CRAMP1: variants seen among roughly 807,000 people sequenced by gnomAD.
CRAMP1 encodes the protein cramped chromatin regulator 1.
A neutral mutation model predicts 115.4 loss-of-function variants in CRAMP1; 50 were observed. That is an observed-to-expected ratio of 0.43 (90% CI 0.35 to 0.55). The LOEUF (loss-of-function observed/expected upper bound fraction) is 0.55. Among genes scored for constraint, CRAMP1 ranks in the 20% least tolerant of loss-of-function variants. The pLI, the probability that CRAMP1 is intolerant of heterozygous loss-of-function variation, is 0.01. For missense variants in CRAMP1, 1,679 were observed against 1,721.7 expected, an observed-to-expected ratio of 0.98 and a Z score of 0.44; for synonymous variants, 866 against 745.4, an observed-to-expected ratio of 1.16 and a Z score of -2.64.
At chr16:1,633,005 G>A (rs1187779382) in intron 4 of CRAMP1, among the ~76,000 whole-genome samples, 1 of 152,118 alleles carries the variant, frequency 6.6e-6, no homozygotes, top group African/African-American at 2.4e-5. Flanking sequence ...CCTGTGCTGG[G>A]CCCTGCTCTT....
At chr16:1,637,780 C>A in intron 4 of CRAMP1, 44 bp from the exon 5 acceptor site, 1 of 1,078,008 alleles carries the variant, frequency 9.3e-7, no homozygotes, top group South Asian at 1.8e-5. Flanking sequence ...CAGGCAGCGC[C>A]TCCTGTTCCC....
At chr16:1,620,868 G>A (rs572959702) in intron 2 of CRAMP1, among the ~76,000 whole-genome samples, 1 of 152,080 alleles carries the variant, frequency 6.6e-6, no homozygotes, top group Non-Finnish European at 1.5e-5. Flanking sequence ...AGAAGGTTGC[G>A]TGGTTCTTGC....
chr16:1,674,104 A>T lies in CRAMP1; in HGVS notation c.*59A>T, dbSNP rs2036946813. ...GAGCTAGAGAAAAATAGATAAGCCC[A>T]GCAGCCCCAGAAGATGGTCTGAACA... On this transcript the variant is annotated 3_prime_UTR_variant, in exon 21 of 21. Coordinates refer to ENST00000397412, the MANE Select transcript of CRAMP1 (RefSeq NM_020825.4). 9.1e-6 allele frequency: 14 copies of T among 1,531,022 alleles called. No individual in the cohort carries two copies. Among genetic ancestry groups the T allele is most frequent in the African/African-American group, 1.4e-5 (1 of 72,992 alleles). 94.8% of individuals were successfully genotyped at this position (1,531,022 alleles called of 1,614,324 possible). A position where few individuals can be genotyped will look rare whatever the true frequency, so the allele number is the denominator to read the frequency against.
chr16:1,667,700 T>C (rs1415409933), intron 17 of CRAMP1, among the ~76,000 whole-genome samples: 1 of 151,844 alleles, frequency 6.6e-6, no homozygotes, highest in Non-Finnish European at 1.5e-5. Flanking sequence ...AGCTAGTAAC[T>C]CCCCCAGCCC....
chr16:1,616,998 G>A (rs760990283), intron 2 of CRAMP1, among the ~76,000 whole-genome samples: 1 of 148,296 alleles, frequency 6.7e-6, no homozygotes, highest in Non-Finnish European at 1.5e-5. Flanking sequence ...TTTTTTTTTG[G>A]TATTTTTAGT....
chr16:1,616,332 C>T lies in CRAMP1; in HGVS notation c.346+1347C>T, dbSNP rs574877968. Reference sequence around the variant, plus strand: ...CTGGACCTTGAATCCAGCCGGCATTCGTCCCCCATGTCCCTGGCCTCCAAC... The same window carrying T: ...CTGGACCTTGAATCCAGCCGGCATTTGTCCCCCATGTCCCTGGCCTCCAAC... On this transcript the variant is annotated intron_variant, in intron 2 of 20. Coordinates refer to ENST00000397412, the MANE Select transcript of CRAMP1 (RefSeq NM_020825.4). Among the ~76,000 whole-genome samples, 3 of 152,312 alleles carry T rather than the reference C, an allele frequency of 2.0e-5. 1 individual carries two copies. The highest frequency in any genetic ancestry group is 2.0e-4 in the Admixed American group (3 of 15,306).
At chr16:1,615,689 T>A (rs1440263300) in intron 2 of CRAMP1, among the ~76,000 whole-genome samples, 1 of 152,218 alleles carries the variant, frequency 6.6e-6, no homozygotes, top group Non-Finnish European at 1.5e-5. Flanking sequence ...AACGGCATGT[T>A]AGTTTCGTTC....
rs2036913015 is a variant in CRAMP1, at chr16:1,670,505, G to A, written c.3500-159G>A. ...TGTTAAACGAGAAGAGCTCGTCACG[G>A]CGTGTTGAGTCCCTCGGAAGCTCTT... On this transcript the variant is annotated intron_variant, in intron 19 of 20. Coordinates refer to ENST00000397412, the MANE Select transcript of CRAMP1 (RefSeq NM_020825.4). 8.4e-6 allele frequency: 6 copies of A among 714,120 alleles called. No homozygotes were observed. In the South Asian group the frequency reaches 8.6e-5, roughly 10 times the overall value. The allele number at this position is 714,120 out of a possible 1,614,324, so 44.2% of individuals were successfully genotyped here.
In CRAMP1 at chr16:1,660,259, G is replaced by T. The variant is rs114157657; in HGVS notation, c.2413+196G>T. Reference sequence around the variant, plus strand: ...GGGGAGGGTGATGCCAGGGCTTGTCGTGAAGGACTTTGGGGTCCCAGGGCG... The same window carrying T: ...GGGGAGGGTGATGCCAGGGCTTGTCTTGAAGGACTTTGGGGTCCCAGGGCG... On this transcript the variant is annotated intron_variant, in intron 11 of 20. Coordinates refer to ENST00000397412, the MANE Select transcript of CRAMP1 (RefSeq NM_020825.4). 7.0e-3 allele frequency among the ~76,000 whole-genome samples: 1,061 copies of T among 152,372 alleles called. 17 individuals are homozygous for T. Among genetic ancestry groups the T allele is most frequent in the African/African-American group, 0.024 (1,002 of 41,590 alleles).
Position 1,669,038 on chromosome 16 carries a change from C to T in CRAMP1, c.3372C>T (p.Gly1124=), listed in dbSNP as rs754821590. 2 of 1,613,232 alleles carry T rather than the reference C, an allele frequency of 1.2e-6. No individual in the cohort carries two copies. The highest frequency in any genetic ancestry group is 1.3e-5 in the African/African-American group (1 of 74,914). The change falls in exon 19 of 21, where the codon GGC becomes GGT. Residue 1124 remains glycine (G), a synonymous_variant. Coordinates refer to ENST00000397412, the MANE Select transcript of CRAMP1 (RefSeq NM_020825.4). This position sits in a 1 kb window ranked among gnomAD's most constrained non-coding sequence, Gnocchi z 4.6. The part of the protein sequence containing the change: ...GVPLSPAKLN[G]SDSSKSLPSP... ...CTCTTTCTCCAGCAAAACTGAATGGCAGTGACAGTTCCAAGAGCCTTCCCT... is the reference window on the plus strand; with the variant it reads ...CTCTTTCTCCAGCAAAACTGAATGGTAGTGACAGTTCCAAGAGCCTTCCCT...
At chr16:1,649,906 G>A (rs889945867) in intron 6 of CRAMP1, among the ~76,000 whole-genome samples, 4 of 146,476 alleles carry the variant, frequency 2.7e-5, no homozygotes, top group African/African-American at 1.0e-4. Context: ...TGATTCTCCT[G>A]TCTCAGTCTC....
chr16:1,646,249 G>A (rs570215375), intron 6 of CRAMP1, among the ~76,000 whole-genome samples: 1 of 152,336 alleles, frequency 6.6e-6, no homozygotes, highest in Non-Finnish European at 1.5e-5. Context: ...AGGTTTTTGT[G>A]TGAGCGTGGT....
At position 1,666,434 on chromosome 16, in the gene CRAMP1, T is replaced by C. The variant is rs551703109; in HGVS notation, c.2870T>C (p.Leu957Ser). ...TTTTTGTTGCCAGGTGCTATCGACT[T>C]AGCAGCTACAAGTGCCGGCATCCTT... ...ATSHLASAIDLAATSAGILSG... is the reference protein window; with the variant it reads ...ATSHLASAIDSAATSAGILSG... Residue 957 changes from leucine to serine, a missense_variant, in exon 16 of 21, where the codon TTA (leucine) becomes TCA (serine). Physicochemically the swap from Leu to Ser is moderately radical, Grantham distance 145. This residue lies in a region of CRAMP1 where 709 missense variants were observed against 741.9 expected (regional missense o/e 0.96). Transcript: ENST00000397412. This position sits in a 1 kb window ranked among gnomAD's most constrained non-coding sequence, Gnocchi z 5.0. The C allele has an allele frequency of 6.2e-7, 1 of 1,613,202 alleles. No individual in the cohort carries two copies. Among genetic ancestry groups the C allele is most frequent in the African/African-American group, 1.3e-5 (1 of 75,014 alleles).
intron 6 of CRAMP1, among the ~76,000 whole-genome samples, chr16:1,649,139 G>C (rs2036701631): frequency 6.6e-6 from 1 of 152,114 alleles, no homozygotes; most frequent in South Asian, 2.1e-4. Context: ...CCTCAAGACA[G>C]AAAATCTGTA....
At position 1,666,414 on chromosome 16, in the gene CRAMP1, G is replaced by A; in HGVS notation, c.2858-8G>A. ...AGCAGAGATGTGCAGCGTCCTTTTT[G>A]TTGCCAGGTGCTATCGACTTAGCAG... On this transcript the variant is annotated splice_region_variant and splice_polypyrimidine_tract_variant and intron_variant, in intron 15 of 20. Coordinates refer to ENST00000397412, the MANE Select transcript of CRAMP1 (RefSeq NM_020825.4). The surrounding 1 kb of genome is among the most constrained non-coding windows in gnomAD (Gnocchi z 5.0). 1 of 1,610,376 alleles carries A rather than the reference G, an allele frequency of 6.2e-7. No homozygotes were observed. The highest frequency in any genetic ancestry group is 8.5e-7 in the Non-Finnish European group (1 of 1,178,068).
At chr16:1,622,142 G>A (rs1188443246) in intron 2 of CRAMP1, among the ~76,000 whole-genome samples, 1 of 152,204 alleles carries the variant, frequency 6.6e-6, no homozygotes, top group Non-Finnish European at 1.5e-5. Context: ...AGCCACTTCT[G>A]CATCTGAAAT....
Position 1,666,035 on chromosome 16 carries a change from C to T in CRAMP1, c.2753-38C>T, listed in dbSNP as rs767493934. The T allele has an allele frequency of 8.7e-6, 12 of 1,384,020 alleles. No homozygotes were observed. The highest frequency in any genetic ancestry group is 1.2e-5 in the South Asian group (1 of 80,590). The allele number at this position is 1,384,020 out of a possible 1,614,324, so 85.7% of individuals were successfully genotyped here. ...CATCCTGCTGTGAGGGCATGGCGGG[C>T]GGGCTCGACATGTCTGCTTTTGCCC... On this transcript the variant is annotated intron_variant, in intron 14 of 20. Transcript: ENST00000397412. The surrounding 1 kb of genome is among the most constrained non-coding windows in gnomAD (Gnocchi z 5.0).
intron 1 of CRAMP1, among the ~76,000 whole-genome samples, chr16:1,613,534 C>T (rs1326742069): frequency 6.6e-5 from 10 of 152,196 alleles, no homozygotes; most frequent in Non-Finnish European, 1.3e-4. Context: ...GTTTTTGCTT[C>T]CTCACACGTG....
Position 1,673,955 on chromosome 16 carries a change from C to T in CRAMP1, c.3720C>T (p.Ala1240=). ...ACATTTCTCGGTTCAATGACCTGGC[C>T]CAAGAGCTGTCCATCGCTGAGCCTG... ...IDYISRFNDL[A]QELSIAEPGR... Residue 1240 remains alanine, a synonymous_variant, in exon 21 of 21, where the codon GCC becomes GCT. Coordinates refer to ENST00000397412, the MANE Select transcript of CRAMP1 (RefSeq NM_020825.4). 1 of 1,613,516 alleles carries T rather than the reference C, an allele frequency of 6.2e-7. No individual in the cohort carries two copies. Among genetic ancestry groups the T allele is most frequent in the Non-Finnish European group, 8.5e-7 (1 of 1,179,868 alleles).
Sources: gnomAD v4.1 joint callset for allele counts (sites outside exome capture counted in the v4.1 genomes callset) on GRCh38, gnomAD v4.1.1 for gene constraint, gnomAD v4.1.1 regional missense constraint, Gnocchi (gnomAD v3.1) non-coding constraint, MANE v1.5 for transcripts, NCBI Gene and HGNC (gene_info 2026-07-23, HGNC 2026-07-21) for gene names.